Variants in HIPK2 observed in about 807,000 individuals in gnomAD.
The protein encoded by HIPK2 is homeodomain interacting protein kinase 2.
In HIPK2, 27 loss-of-function variants were observed where a neutral mutation model predicts 113.7. The ratio of observed to expected loss-of-function variants is 0.24; its 90% CI spans 0.17 to 0.33. The LOEUF is 0.33. Ranked by LOEUF, HIPK2 falls within the 10% of genes least tolerant of loss-of-function variation. HIPK2 has a pLI of 1.00. For synonymous variants in HIPK2, 631 were observed against 642.2 expected, an observed-to-expected ratio of 0.98 and a Z score of 0.26; for missense variants, 1,257 against 1,588.0, an observed-to-expected ratio of 0.79 and a Z score of 3.54.
chr7:139,680,980 G>A (rs552304679), intron 2 of HIPK2, among the ~76,000 whole-genome samples: 1 of 152,304 alleles, frequency 6.6e-6, no homozygotes, highest in South Asian at 2.1e-4. Context: ...GGAGAACATC[G>A]TCACGCTATA....
intron 12 of HIPK2, among the ~76,000 whole-genome samples, chr7:139,588,720 A>T (rs1055377941): frequency 2.0e-5 from 3 of 152,126 alleles, no homozygotes; most frequent in African/African-American, 7.2e-5. Flanking sequence ...CTGCCTTAAG[A>T]AGACAAGGGC....
At chr7:139,641,243 T>C (rs980042605) in intron 2 of HIPK2, among the ~76,000 whole-genome samples, 1 of 151,738 alleles carries the variant, frequency 6.6e-6, no homozygotes, top group Non-Finnish European at 1.5e-5. Context: ...CACGCACCTG[T>C]AATCCCAGCT....
intron 1 of HIPK2, among the ~76,000 whole-genome samples, chr7:139,763,989 G>A (rs1223918927): frequency 2.0e-5 from 3 of 152,198 alleles, no homozygotes; most frequent in Non-Finnish European, 2.9e-5. Context: ...CCCAAGCACA[G>A]TGCTAAAGTG....
chr7:139,668,611 GGGTGTCT>G (rs1802145339), intron 2 of HIPK2, among the ~76,000 whole-genome samples: 2 of 151,864 alleles, frequency 1.3e-5, no homozygotes, highest in South Asian at 4.2e-4. Context: ...TCATTTAACT[GGGTGTCT>G]GGTGAGACAT....
Position 139,631,014 on chromosome 7 carries a change from GCA to G in HIPK2, c.1347+149_1347+150del. 1 of 1,042,774 alleles carries G rather than the reference GCA, an allele frequency of 9.6e-7. No individual in the cohort carries two copies. Among genetic ancestry groups the G allele is most frequent in the Non-Finnish European group, 1.3e-6 (1 of 743,030 alleles). The allele number at this position is 1,042,774 out of a possible 1,614,324, so 64.6% of individuals were successfully genotyped here. A position where few individuals can be genotyped will look rare whatever the true frequency, so the allele number is the denominator to read the frequency against. The stretch of plus-strand genomic sequence containing the variant: ...GGCCAAGGGAAAGAGGGGCTTCTGA[GCA>G]TTCAGATTCAGCCATACCATGTATT... On this transcript the variant is annotated intron_variant, in intron 4 of 14. Coordinates refer to ENST00000406875, the MANE Select transcript of HIPK2 (RefSeq NM_022740.5). This position sits in a 1 kb window ranked among gnomAD's most constrained non-coding sequence, Gnocchi z 4.9.
intron 2 of HIPK2, among the ~76,000 whole-genome samples, chr7:139,697,380 A>G (rs1794595792): frequency 6.6e-6 from 1 of 152,218 alleles, no homozygotes; most frequent in African/African-American, 2.4e-5. Flanking sequence ...AAAAGTATAA[A>G]TCATCTTCGC....
At chr7:139,704,815 C>T (rs868047531) in intron 2 of HIPK2, among the ~76,000 whole-genome samples, 3 of 152,108 alleles carry the variant, frequency 2.0e-5, no homozygotes, top group Non-Finnish European at 2.9e-5. Flanking sequence ...TCCTCGGAGG[C>T]CCCTGCACTC....
chr7:139,741,674 A>T (rs1419819183), intron 1 of HIPK2, among the ~76,000 whole-genome samples: 1 of 152,116 alleles, frequency 6.6e-6, no homozygotes, highest in Non-Finnish European at 1.5e-5. Flanking sequence ...AATTCCGTGA[A>T]CGTTGATCAG....
At chr7:139,766,293 C>T (rs548335259) in intron 1 of HIPK2, among the ~76,000 whole-genome samples, 34 of 152,348 alleles carry the variant, frequency 2.2e-4, no homozygotes, top group African/African-American at 7.0e-4. Flanking sequence ...GCGGTATTAG[C>T]TGTTATGATC....
chr7:139,732,533 A>G (rs1253337823), intron 1 of HIPK2, among the ~76,000 whole-genome samples: 1 of 152,118 alleles, frequency 6.6e-6, no homozygotes, highest in African/African-American at 2.4e-5. Context: ...GATGTAGGCC[A>G]TCCCTATCTT....
At chr7:139,650,892 C>T (rs1801434634) in intron 2 of HIPK2, among the ~76,000 whole-genome samples, 2 of 152,266 alleles carry the variant, frequency 1.3e-5, no homozygotes, top group South Asian at 4.1e-4. Context: ...TGGGTGACTG[C>T]AGCCTGGGCT....
intron 1 of HIPK2, among the ~76,000 whole-genome samples, chr7:139,735,920 C>T (rs1249484461): frequency 6.6e-6 from 1 of 152,176 alleles, no homozygotes; most frequent in African/African-American, 2.4e-5. Flanking sequence ...CAGGACCAAA[C>T]CCATCTAAGG....
chr7:139,705,533 C>T (rs565071427), intron 2 of HIPK2, among the ~76,000 whole-genome samples: 18 of 152,274 alleles, frequency 1.2e-4, no homozygotes, highest in Non-Finnish European at 1.9e-4. Flanking sequence ...CCCACCAACA[C>T]GCCCAGCTGA....
Position 139,626,515 on chromosome 7 carries a change from T to C in HIPK2, c.1619+86A>G, listed in dbSNP as rs532239760. ...CAGCTGAGTAGTTGTTACCAAGACCTTATGGCCGCAAAACCTAAAATATTT... is the reference window on the plus strand; with the variant it reads ...CAGCTGAGTAGTTGTTACCAAGACCCTATGGCCGCAAAACCTAAAATATTT... On this transcript the variant is annotated intron_variant, in intron 6 of 14. Transcript: ENST00000406875. 6 of 1,438,922 alleles carry C rather than the reference T, an allele frequency of 4.2e-6. No individual in the cohort carries two copies. In the African/African-American group the frequency reaches 8.5e-5, roughly 20 times the overall value. The allele number at this position is 1,438,922 out of a possible 1,614,324, so 89.1% of individuals were successfully genotyped here.
At chr7:139,709,662 T>G (rs546675994) in intron 2 of HIPK2, among the ~76,000 whole-genome samples, 1 of 152,114 alleles carries the variant, frequency 6.6e-6, no homozygotes, top group South Asian at 2.1e-4. Context: ...GGGATCCAGA[T>G]GGAGGAGTGT....
chr7:139,702,658 T>A (rs1411248477), intron 2 of HIPK2, among the ~76,000 whole-genome samples: 2 of 152,174 alleles, frequency 1.3e-5, no homozygotes, highest in African/African-American at 4.8e-5. Context: ...AAAACCATGA[T>A]GTCTCATGCA....
chr7:139,765,959 G>T (rs1796546386), intron 1 of HIPK2, among the ~76,000 whole-genome samples: 1 of 152,284 alleles, frequency 6.6e-6, no homozygotes, highest in Admixed American at 6.5e-5. Flanking sequence ...AACAGAAATT[G>T]GTCTCTCAAG....
At chr7:139,617,205 G>A (rs1414477418) in intron 7 of HIPK2, among the ~76,000 whole-genome samples, 1 of 152,182 alleles carries the variant, frequency 6.6e-6, no homozygotes, top group East Asian at 1.9e-4. Context: ...AGCTCTTGCA[G>A]CTGACAGATA....
intron 1 of HIPK2, among the ~76,000 whole-genome samples, chr7:139,768,367 C>T (rs755078883): frequency 1.3e-5 from 2 of 152,124 alleles, no homozygotes; most frequent in Non-Finnish European, 2.9e-5. Context: ...GACTGTCATG[C>T]CTGGAGACAA....
Sources: gnomAD v4.1 joint callset for allele counts (sites outside exome capture counted in the v4.1 genomes callset) on GRCh38, gnomAD v4.1.1 for gene constraint, Gnocchi (gnomAD v3.1) non-coding constraint, MANE v1.5 for transcripts, NCBI Gene and HGNC (gene_info 2026-07-23, HGNC 2026-07-21) for gene names.